The following IARS1 variants were observed in gnomAD, a reference collection of about 807,000 sequenced individuals.
IARS1 encodes isoleucine--tRNA ligase, cytoplasmic.
IARS1 carries 124 observed loss-of-function variants against 168.2 expected under a neutral mutation model. The observed-to-expected ratio is 0.74, with a 90% confidence interval of 0.64 to 0.86. The LOEUF (loss-of-function observed/expected upper bound fraction) is 0.86, where lower values mean the gene tolerates loss of function less well. IARS1 is among the 40% of genes least tolerant of loss of function. The pLI is 0.00. For missense variants in IARS1, 1,452 were observed against 1,515.8 expected, an observed-to-expected ratio of 0.96 and a Z score of 0.70; for synonymous variants, 532 against 529.4, an observed-to-expected ratio of 1.00 and a Z score of -0.07.
chr9:92,242,045 G>A, intron 29 of IARS1, 109 bp downstream of exon 29: 1 of 815,822 alleles, frequency 1.2e-6, no homozygotes, highest in East Asian at 2.4e-5. Context: ...CTTCAAGACA[G>A]AGTGCTGTGC....
At position 92,269,929 on chromosome 9, in the gene IARS1, C is replaced by T. The variant is rs145425352; in HGVS notation, c.1260G>A (p.Glu420=). The change falls in exon 13 of 34, where the codon GAG becomes GAA. Residue 420 remains glutamate (E), a synonymous_variant. Transcript: ENST00000443024. ...TCCTTAGGAGCTGGTCCACCATGTT[C>T]TCCACTCGCACAAACCAGCTGGGCA... ...KAVPSWFVRV[E]NMVDQLLRNN... The T allele has an allele frequency of 8.1e-4, 1,302 of 1,613,704 alleles. 1 individual carries two copies. The highest frequency in any genetic ancestry group is 1.0e-3 in the Non-Finnish European group (1,237 of 1,179,770).
rs937527137 is a variant in IARS1 at position 92,210,542 on chromosome 9, T to C, written c.*265A>G. The C allele has an allele frequency of 2.8e-5, 9 of 326,572 alleles. No individual in the cohort carries two copies. The Middle Eastern group carries it at 2.5e-3, about 92-fold the overall frequency. 20.2% of individuals were successfully genotyped at this position (326,572 alleles called of 1,614,324 possible). ...TCTTCTGTACTTAAGAACTCAAGTA[T>C]AGAAATAAACTGTGGGCTGAAGTAA... On this transcript the variant is annotated 3_prime_UTR_variant, in exon 34 of 34. Coordinates refer to ENST00000443024, the MANE Select transcript of IARS1 (RefSeq NM_002161.6).
At chr9:92,242,493 A>T in intron 28 of IARS1, 163 bp from the exon 29 acceptor site, 1 of 591,780 alleles carries the variant, frequency 1.7e-6, no homozygotes, top group Non-Finnish European at 3.0e-6. Flanking sequence ...AACTGCACTC[A>T]GTACATGATT....
At chr9:92,211,993 T>C (rs1046317657) in intron 33 of IARS1, among the ~76,000 whole-genome samples, 1 of 151,692 alleles carries the variant, frequency 6.6e-6, no homozygotes, top group South Asian at 2.1e-4. Context: ...AAAAAGAAAA[T>C]TTAAAGTTAT....
intron 33 of IARS1, among the ~76,000 whole-genome samples, chr9:92,220,119 G>C (rs1265384844): frequency 2.7e-5 from 4 of 148,970 alleles, no homozygotes; most frequent in African/African-American, 1.0e-4. Flanking sequence ...TCCTTTGTAG[G>C]GACATGGATG....
chr9:92,272,498 G>A (rs769473840), intron 10 of IARS1, among the ~76,000 whole-genome samples: 28 of 152,210 alleles, frequency 1.8e-4, no homozygotes, highest in Admixed American at 1.5e-3. Flanking sequence ...CAGACTCTGC[G>A]AAGATCAAAC....
chr9:92,234,345 T>C (rs72750425), intron 30 of IARS1, among the ~76,000 whole-genome samples: 1,704 of 152,322 alleles, frequency 0.011, 20 homozygotes, highest in South Asian at 0.018. Context: ...CCTCATAATA[T>C]GAATGCTTTC....
chr9:92,282,018 A>T (rs1834655522), intron 6 of IARS1, among the ~76,000 whole-genome samples: 1 of 114,372 alleles, frequency 8.7e-6, no homozygotes, highest in African/African-American at 3.4e-5. Context: ...TGGGACAAGC[A>T]GAACCCAATA....
intron 33 of IARS1, among the ~76,000 whole-genome samples, chr9:92,211,963 T>C (rs1243917459): frequency 6.6e-6 from 1 of 152,038 alleles, no homozygotes; most frequent in Non-Finnish European, 1.5e-5. Flanking sequence ...ATATACTGAA[T>C]ATACAACTCA....
rs1832163434 is a variant in IARS1 at position 92,265,527 on chromosome 9, T to C, written c.1458A>G (p.Glu486=). The C allele has an allele frequency of 1.2e-6, 2 of 1,614,128 alleles. No individual in the cohort carries two copies. The highest frequency in any genetic ancestry group is 4.5e-5 in the East Asian group (2 of 44,888). The change falls in exon 15 of 34, where the codon GAA becomes GAG. Residue 486 remains glutamate, a synonymous_variant. Coordinates refer to ENST00000443024, the MANE Select transcript of IARS1 (RefSeq NM_002161.6). ...EEVVCIGSVA[E]LEELSGAKIS... Reference sequence around the variant, plus strand: ...TCTTTGCTCCTGACAGTTCTTCAAGTTCCGCCACTGACCCAATGCATACCA... The same window carrying C: ...TCTTTGCTCCTGACAGTTCTTCAAGCTCCGCCACTGACCCAATGCATACCA...
intron 6 of IARS1, among the ~76,000 whole-genome samples, chr9:92,284,920 T>C (rs969932697): frequency 6.6e-6 from 1 of 152,046 alleles, no homozygotes; most frequent in Non-Finnish European, 1.5e-5. Context: ...CACAGAGAGG[T>C]GGTAAGGAGA....
At position 92,215,940 on chromosome 9, in the gene IARS1, C is replaced by T. The variant is rs10425838; in HGVS notation, c.3707-5051G>A. Among the ~76,000 whole-genome samples, 604 of 151,266 alleles carry T rather than the reference C, an allele frequency of 4.0e-3. 16 individuals carry two copies. In the East Asian group the frequency reaches 0.048, roughly 12 times the overall value. On this transcript the variant is annotated intron_variant, in intron 33 of 33. Transcript: ENST00000443024. ...CAGAGAACGCCACAAAGATACTCCTCGAGAAGAGCAACTCCAAGACACATA... is the reference window on the plus strand; with the variant it reads ...CAGAGAACGCCACAAAGATACTCCTTGAGAAGAGCAACTCCAAGACACATA...
chr9:92,213,783 C>T (rs1266198320), intron 33 of IARS1, among the ~76,000 whole-genome samples: 2 of 152,186 alleles, frequency 1.3e-5, no homozygotes, highest in Non-Finnish European at 2.9e-5. Flanking sequence ...TCCATCACAA[C>T]TCCTGGCCTT....
chr9:92,243,186 C>A, intron 28 of IARS1, 30 bp downstream of exon 28: 1 of 1,556,868 alleles, frequency 6.4e-7, no homozygotes, highest in Non-Finnish European at 8.9e-7. Context: ...AAAGCCAAAA[C>A]AGTAGCTTAT....
At chr9:92,284,996 G>T (rs1835211480) in intron 6 of IARS1, among the ~76,000 whole-genome samples, 1 of 152,158 alleles carries the variant, frequency 6.6e-6, no homozygotes, top group South Asian at 2.1e-4. Context: ...ATATGTGAAA[G>T]CATTCTATAA....
intron 27 of IARS1, among the ~76,000 whole-genome samples, chr9:92,243,813 C>T (rs971384608): frequency 3.9e-5 from 6 of 152,178 alleles, no homozygotes; most frequent in African/African-American, 1.4e-4. Context: ...CAATGGACCA[C>T]AAAACTTTCT....
intron 1 of IARS1, among the ~76,000 whole-genome samples, chr9:92,290,212 A>G (rs886505858): frequency 1.3e-5 from 2 of 152,190 alleles, no homozygotes; most frequent in African/African-American, 4.8e-5. Flanking sequence ...ATCTTACCCA[A>G]CACATCTTAT....
intron 32 of IARS1, among the ~76,000 whole-genome samples, chr9:92,223,142 T>C (rs949101754): frequency 1.3e-5 from 2 of 152,182 alleles, no homozygotes; most frequent in Non-Finnish European, 2.9e-5. Flanking sequence ...TAACCAATTT[T>C]TTCATTTCCT....
In IARS1 at chr9:92,285,702, T is replaced by A. The variant is rs771699671; in HGVS notation, c.597+20A>T. On this transcript the variant is annotated intron_variant, in intron 6 of 33. Transcript: ENST00000443024. ...ACCTACAAAACTCAATGCTGAATAATGTCTCTACATTTCACGTACCTTATA... is the reference window on the plus strand; with the variant it reads ...ACCTACAAAACTCAATGCTGAATAAAGTCTCTACATTTCACGTACCTTATA... The A allele has an allele frequency of 1.4e-6, 2 of 1,430,976 alleles. No individual in the cohort carries two copies. The highest frequency in any genetic ancestry group is 3.4e-5 in the Admixed American group (2 of 59,576). 88.6% of individuals were successfully genotyped at this position (1,430,976 alleles called of 1,614,324 possible).
Sources: allele counts gnomAD v4.1 joint callset (sites outside exome capture counted in the v4.1 genomes callset), GRCh38; gene constraint gnomAD v4.1.1; transcripts MANE v1.5; gene names NCBI Gene and HGNC (gene_info 2026-07-23, HGNC 2026-07-21).